Variants in EXT2 observed in about 807,000 individuals in gnomAD.
EXT2 encodes the protein exostosin-2.
A neutral mutation model predicts 81.6 loss-of-function variants in EXT2; 53 were observed. The ratio of observed to expected loss-of-function variants is 0.65; its 90% CI spans 0.52 to 0.82. The LOEUF (loss-of-function observed/expected upper bound fraction) is 0.82. Among genes scored for constraint, EXT2 ranks in the 40% least tolerant of loss-of-function variants. EXT2 has a pLI of 0.00. For missense variants in EXT2, 774 were observed against 910.2 expected, an observed-to-expected ratio of 0.85 and a Z score of 1.93; for synonymous variants, 320 against 340.0, an observed-to-expected ratio of 0.94 and a Z score of 0.65.
intron 7 of EXT2, among the ~76,000 whole-genome samples, chr11:44,141,668 C>T (rs867266993): frequency 5.9e-5 from 9 of 152,296 alleles, no homozygotes; most frequent in Middle Eastern, 3.4e-3. Flanking sequence ...GTAAAATGGT[C>T]ACACTTTCCT....
chr11:44,106,355 C>T (rs1437898244), intron 1 of EXT2, among the ~76,000 whole-genome samples: 2 of 152,014 alleles, frequency 1.3e-5, no homozygotes, highest in Non-Finnish European at 2.9e-5. Flanking sequence ...TACCCCATTC[C>T]TTTCTTCATT....
chr11:44,109,094 A>G (rs1442697030), intron 2 of EXT2, 100 bp from the exon 3 acceptor site: 2 of 1,280,054 alleles, frequency 1.6e-6, no homozygotes, highest in Admixed American at 1.7e-5. Context: ...AAGCGGCCCT[A>G]TTTGGGCTTG....
At position 44,114,379 on chromosome 11, in the gene EXT2, C is replaced by T. The variant is rs191900530; in HGVS notation, c.743+78C>T. The T allele has an allele frequency of 1.3e-3, 1,615 of 1,266,640 alleles. 7 individuals carry two copies. Among genetic ancestry groups the T allele is most frequent in the Middle Eastern group, 2.7e-3 (14 of 5,240 alleles). The allele number at this position is 1,266,640 out of a possible 1,614,324, so 78.5% of individuals were successfully genotyped here. A position where few individuals can be genotyped will look rare whatever the true frequency, so the allele number is the denominator to read the frequency against. On this transcript the variant is annotated intron_variant, in intron 4 of 13. Coordinates refer to ENST00000533608, the MANE Select transcript of EXT2 (RefSeq NM_207122.2). ...TGATGAGGTTTAGTGTGGTGGGCATCAAAGCAACCAATACATCAGTTACAG... is the reference window on the plus strand; with the variant it reads ...TGATGAGGTTTAGTGTGGTGGGCATTAAAGCAACCAATACATCAGTTACAG...
intron 1 of EXT2, among the ~76,000 whole-genome samples, chr11:44,107,284 G>A (rs918007298): frequency 6.6e-6 from 1 of 152,044 alleles, no homozygotes; most frequent in African/African-American, 2.4e-5. Flanking sequence ...CACCACTTAA[G>A]GGAAAGAAAT....
rs1429602588 is a variant in EXT2 at position 44,141,402 on chromosome 11, T to C, written c.1173+11264T>C. On this transcript the variant is annotated intron_variant, in intron 7 of 13. Transcript: ENST00000533608. ...CGCAAATACAAGGGACCAACTGTAA[T>C]TGTACAAAAACCAAATGAGCAGCAA... is the stretch of plus-strand genomic sequence containing the variant. Among the ~76,000 whole-genome samples, 3 of 152,192 alleles carry C rather than the reference T, an allele frequency of 2.0e-5. No homozygotes were observed. The East Asian group carries it at 5.8e-4, about 29-fold the overall frequency.
chr11:44,173,862 C>T (rs559016731), intron 8 of EXT2, among the ~76,000 whole-genome samples: 42 of 152,120 alleles, frequency 2.8e-4, no homozygotes, highest in Admixed American at 1.8e-3. Flanking sequence ...CCACCGCGCC[C>T]GGCCTTTTTT....
At chr11:44,187,515 G>A (rs1231367694) in intron 8 of EXT2, among the ~76,000 whole-genome samples, 1 of 152,074 alleles carries the variant, frequency 6.6e-6, no homozygotes, top group African/African-American at 2.4e-5. Flanking sequence ...TTATTTCAGA[G>A]AACTATTCTA....
intron 10 of EXT2, among the ~76,000 whole-genome samples, chr11:44,208,873 G>A (rs1460664165): frequency 1.3e-5 from 2 of 152,198 alleles, no homozygotes; most frequent in African/African-American, 4.8e-5. Context: ...TACTGTGAGT[G>A]ACATTTGCCA....
At chr11:44,240,143 A>G (rs545587892) in intron 13 of EXT2, among the ~76,000 whole-genome samples, 54 of 152,332 alleles carry the variant, frequency 3.5e-4, no homozygotes, top group African/African-American at 1.2e-3. Flanking sequence ...ATCTACAAAC[A>G]TGGAACCCTT....
chr11:44,149,308 T>A (rs1295929636), intron 7 of EXT2, among the ~76,000 whole-genome samples: 1 of 152,152 alleles, frequency 6.6e-6, no homozygotes, highest in Non-Finnish European at 1.5e-5. Flanking sequence ...GCTGTAGTGA[T>A]CTGTGATCAT....
chr11:44,119,175 T>TATAG (rs1257148773), intron 4 of EXT2, among the ~76,000 whole-genome samples: 1 of 105,730 alleles, frequency 9.5e-6, no homozygotes, highest in Non-Finnish European at 1.9e-5. Context: ...TATATACACA[T>TATAG]ACACACACAC....
chr11:44,161,602 T>C (rs1177961579), intron 7 of EXT2, among the ~76,000 whole-genome samples: 1 of 152,228 alleles, frequency 6.6e-6, no homozygotes, highest in African/African-American at 2.4e-5. Flanking sequence ...TTGATACTTC[T>C]TCCTCCAGGA....
intron 7 of EXT2, among the ~76,000 whole-genome samples, chr11:44,134,442 G>A (rs1954537454): frequency 6.6e-6 from 1 of 152,178 alleles, no homozygotes; most frequent in South Asian, 2.1e-4. Flanking sequence ...GAAATGGAAG[G>A]GAGAAAGTTG....
intron 1 of EXT2, among the ~76,000 whole-genome samples, chr11:44,098,101 T>A (rs922261076): frequency 6.6e-6 from 1 of 152,226 alleles, no homozygotes; most frequent in South Asian, 2.1e-4. Context: ...GTTATGGTAT[T>A]GTATGGAATA....
chr11:44,156,729 T>C (rs1796433878), intron 7 of EXT2, among the ~76,000 whole-genome samples: 1 of 152,246 alleles, frequency 6.6e-6, no homozygotes, highest in African/African-American at 2.4e-5. Context: ...TGATGACTTA[T>C]TTAGTTCATT....
chr11:44,209,662 G>T (rs1286736491), intron 10 of EXT2, among the ~76,000 whole-genome samples: 2 of 152,170 alleles, frequency 1.3e-5, no homozygotes, highest in Non-Finnish European at 2.9e-5. Flanking sequence ...CTACTATTTT[G>T]TGGTGTTATC....
chr11:44,203,414 C>T (rs990380640), intron 9 of EXT2, among the ~76,000 whole-genome samples: 3 of 152,122 alleles, frequency 2.0e-5, no homozygotes, highest in African/African-American at 7.2e-5. Flanking sequence ...TGAGGTGCCA[C>T]AGGCCAAACT....
intron 7 of EXT2, among the ~76,000 whole-genome samples, chr11:44,134,285 G>T (rs987746140): frequency 6.6e-6 from 1 of 152,070 alleles, no homozygotes; most frequent in Non-Finnish European, 1.5e-5. Flanking sequence ...GTTTTTTGGT[G>T]GGGGGAGAGA....
chr11:44,233,940 G>C (rs767877404), intron 11 of EXT2, among the ~76,000 whole-genome samples, 175 bp from the exon 12 acceptor site: 3 of 152,032 alleles, frequency 2.0e-5, no homozygotes, highest in Non-Finnish European at 4.4e-5. Flanking sequence ...GAACATGCTT[G>C]GTCACTTGAC....
Sources: gnomAD v4.1 joint callset for allele counts (sites outside exome capture counted in the v4.1 genomes callset) on GRCh38, gnomAD v4.1.1 for gene constraint, MANE v1.5 for transcripts, NCBI Gene and HGNC (gene_info 2026-07-23, HGNC 2026-07-21) for gene names.